The following FERRY3 variants were observed in gnomAD, a reference collection of about 807,000 sequenced individuals.
FERRY3 encodes the protein FERRY endosomal RAB5 effector complex subunit 3.
the FERRY3 span, among the ~76,000 whole-genome samples, chr12:4,520,826 A>G: frequency 1.3e-5 from 2 of 152,220 alleles, no homozygotes; most frequent in Admixed American, 1.3e-4. Context: ...AATTATATGA[A>G]AGCAAGATCT....
chr12:4,494,168 C>A, the FERRY3 span, among the ~76,000 whole-genome samples: 1 of 151,940 alleles, frequency 6.6e-6, no homozygotes, highest in Non-Finnish European at 1.5e-5. Flanking sequence ...ATAATAATGT[C>A]TTATGTTTAC....
the FERRY3 span, among the ~76,000 whole-genome samples, chr12:4,515,597 C>T: frequency 6.6e-6 from 1 of 152,014 alleles, no homozygotes. Flanking sequence ...ATACATGGAA[C>T]CTAAAATAGT....
the FERRY3 span, among the ~76,000 whole-genome samples, chr12:4,530,738 C>T: frequency 6.6e-6 from 1 of 151,974 alleles, no homozygotes; most frequent in South Asian, 2.1e-4. Context: ...ACTGAGTAAA[C>T]GCTGATAGAC....
chr12:4,504,172 T>C, the FERRY3 span, among the ~76,000 whole-genome samples: 1 of 152,266 alleles, frequency 6.6e-6, no homozygotes, highest in African/African-American at 2.4e-5. Context: ...ATGGGTACAA[T>C]ATTGGCTTAG....
At chr12:4,525,150 A>G in the FERRY3 span, 3 of 1,382,212 alleles carry the variant, frequency 2.2e-6, no homozygotes, top group Non-Finnish European at 2.9e-6. Context: ...AACTTTCACT[A>G]GCAAATTAAA....
chr12:4,532,734 C>A, the FERRY3 span, among the ~76,000 whole-genome samples: 4 of 152,250 alleles, frequency 2.6e-5, no homozygotes, highest in East Asian at 7.7e-4. Context: ...TTTAAATCAG[C>A]CATCAACTGC....
chr12:4,515,140 C>G, the FERRY3 span, among the ~76,000 whole-genome samples: 1 of 152,106 alleles, frequency 6.6e-6, no homozygotes, highest in Non-Finnish European at 1.5e-5. Context: ...AGCTGAATTA[C>G]TCTGCGATTT....
At chr12:4,509,326 C>G in the FERRY3 span, 1 of 179,694 alleles carries the variant, frequency 5.6e-6, no homozygotes, top group Non-Finnish European at 1.1e-5. Flanking sequence ...GGGGGAGGGG[C>G]GCCCGCCATT....
At chr12:4,515,989 TAGAA>T in the FERRY3 span, among the ~76,000 whole-genome samples, 1 of 152,166 alleles carries the variant, frequency 6.6e-6, no homozygotes, top group African/African-American at 2.4e-5. Context: ...ATTTCCTAAA[TAGAA>T]AGAATGTTAT....
the FERRY3 span, chr12:4,525,250 A>T: frequency 2.5e-6 from 4 of 1,612,860 alleles, no homozygotes; most frequent in Non-Finnish European, 1.7e-6. Flanking sequence ...TACATAGTTA[A>T]TACCTAAGGG....
the FERRY3 span, chr12:4,525,340 T>C: frequency 3.1e-6 from 5 of 1,613,518 alleles, no homozygotes; most frequent in Middle Eastern, 1.6e-4. Context: ...TGGCAGTTGA[T>C]TGTTTTAATT....
the FERRY3 span, chr12:4,508,829 T>G: frequency 6.6e-6 from 1 of 152,060 alleles, no homozygotes; most frequent in South Asian, 2.1e-4. Flanking sequence ...CTATGATACA[T>G]GAAATATAAG....
chr12:4,505,458 CACA>C, the FERRY3 span: 1 of 1,001,130 alleles, frequency 1.0e-6, no homozygotes, highest in South Asian at 1.4e-5. Context: ...CCAAAAGAAT[CACA>C]ACAACAGCAA....
At chr12:4,514,084 G>A in the FERRY3 span, among the ~76,000 whole-genome samples, 56 of 151,262 alleles carry the variant, frequency 3.7e-4, no homozygotes, top group Non-Finnish European at 7.1e-4. Flanking sequence ...AGTGGGCAAA[G>A]GACATGAACA....
At chr12:4,501,541 C>T in the FERRY3 span, among the ~76,000 whole-genome samples, 1 of 152,116 alleles carries the variant, frequency 6.6e-6, no homozygotes, top group Non-Finnish European at 1.5e-5. Context: ...TCAGTGGCAG[C>T]ATTAGATTCT....
chr12:4,501,924 T>C, the FERRY3 span, among the ~76,000 whole-genome samples: 3 of 152,150 alleles, frequency 2.0e-5, no homozygotes, highest in Non-Finnish European at 4.4e-5. Context: ...ACTTGGACCC[T>C]GCGTCTCTCT....
the FERRY3 span, chr12:4,518,308 A>C: frequency 6.7e-7 from 1 of 1,501,878 alleles, no homozygotes; most frequent in South Asian, 1.1e-5. Flanking sequence ...CAGAAAGTCC[A>C]GTATAACAAG....
chr12:4,537,993 G>T, the FERRY3 span, among the ~76,000 whole-genome samples: 2 of 151,104 alleles, frequency 1.3e-5, no homozygotes, highest in Non-Finnish European at 2.9e-5. Context: ...ATACTACACA[G>T]CAATAAAAAA....
the FERRY3 span, among the ~76,000 whole-genome samples, chr12:4,533,382 C>T: frequency 6.6e-6 from 1 of 152,142 alleles, no homozygotes; most frequent in African/African-American, 2.4e-5. Context: ...TATACTAATT[C>T]TTCCTATTTC....
Sources: gnomAD v4.1 joint callset for allele counts (sites outside exome capture counted in the v4.1 genomes callset) on GRCh38, gnomAD v4.1.1 for gene constraint, MANE v1.5 for transcripts, NCBI Gene and HGNC (gene_info 2026-07-23, HGNC 2026-07-21) for gene names.